Variants in SDK1 observed in about 807,000 individuals in gnomAD.
SDK1 encodes sidekick cell adhesion molecule 1, also known as protein sidekick-1.
A neutral mutation model predicts 245.5 loss-of-function variants in SDK1; 157 were observed. The ratio of observed to expected loss-of-function variants is 0.64; its 90% CI spans 0.56 to 0.73. The LOEUF (loss-of-function observed/expected upper bound fraction) is 0.73. SDK1 is among the 30% of genes least tolerant of loss of function. The probability of loss-of-function intolerance (pLI) is 0.00; values close to 1 mark genes in which losing one functional copy is unlikely to be tolerated. For missense variants in SDK1, 3,583 were observed against 3,002.3 expected, an observed-to-expected ratio of 1.19 and a Z score of -4.52; for synonymous variants, 1,647 against 1,278.5, an observed-to-expected ratio of 1.29 and a Z score of -6.15.
chr7:4,072,657 G>A (rs1410372441), intron 20 of SDK1, among the ~76,000 whole-genome samples: 1 of 152,232 alleles, frequency 6.6e-6, no homozygotes, highest in Non-Finnish European at 1.5e-5. Context: ...GCCGGTTTCT[G>A]GAAGTGTTGG....
intron 1 of SDK1, among the ~76,000 whole-genome samples, chr7:3,371,415 G>A (rs1248247318): frequency 1.3e-5 from 2 of 152,088 alleles, no homozygotes; most frequent in Non-Finnish European, 2.9e-5. Context: ...ATGGTTACAT[G>A]TGAAACACAG....
At chr7:3,951,300 G>T (rs577024813) in intron 6 of SDK1, among the ~76,000 whole-genome samples, 1 of 152,182 alleles carries the variant, frequency 6.6e-6, no homozygotes, top group East Asian at 1.9e-4. Flanking sequence ...CTCTAGGGAA[G>T]AGAGAGGAGT....
chr7:3,630,423 GAATT>G (rs750784226), intron 2 of SDK1, among the ~76,000 whole-genome samples: 8 of 152,244 alleles, frequency 5.3e-5, no homozygotes, highest in East Asian at 3.9e-4. Context: ...CAACATATAA[GAATT>G]AATTATATTT....
At chr7:3,762,061 C>G (rs1179088081) in intron 4 of SDK1, among the ~76,000 whole-genome samples, 1 of 152,146 alleles carries the variant, frequency 6.6e-6, no homozygotes, top group African/African-American at 2.4e-5. Context: ...CAGTTAGCTA[C>G]AAATTATTTA....
chr7:3,624,406 C>T (rs1356809160), intron 2 of SDK1, among the ~76,000 whole-genome samples: 1 of 152,082 alleles, frequency 6.6e-6, no homozygotes, highest in Non-Finnish European at 1.5e-5. Flanking sequence ...ACTGTGTTGC[C>T]TAGGCTGGTC....
chr7:3,552,508 G>C (rs1426546618), intron 1 of SDK1, among the ~76,000 whole-genome samples: 1 of 152,130 alleles, frequency 6.6e-6, no homozygotes, highest in Non-Finnish European at 1.5e-5. Context: ...AAGCAAGGCA[G>C]AATTTGCTCA....
At chr7:3,380,579 C>G (rs190676497) in intron 1 of SDK1, among the ~76,000 whole-genome samples, 2 of 152,202 alleles carry the variant, frequency 1.3e-5, no homozygotes, top group Non-Finnish European at 2.9e-5. Flanking sequence ...GTAACAAATT[C>G]AGATGAACAG....
intron 1 of SDK1, among the ~76,000 whole-genome samples, chr7:3,487,663 GAGGATCAGTTGA>G (rs1336601163): frequency 1.4e-5 from 2 of 147,804 alleles, no homozygotes; most frequent in African/African-American, 4.9e-5. Context: ...ACTGAGGTGG[GAGGATCAGTTGA>G]TCCCAGGAAA....
chr7:4,103,758 G>C (rs1465620450), intron 22 of SDK1, among the ~76,000 whole-genome samples: 1 of 152,246 alleles, frequency 6.6e-6, no homozygotes, highest in Non-Finnish European at 1.5e-5. Context: ...CAAGCAGCCA[G>C]AAGTGATGAC....
chr7:4,051,556 C>T, intron 18 of SDK1, 82 bp from the exon 19 acceptor site: 1 of 1,229,426 alleles, frequency 8.1e-7, no homozygotes, highest in Non-Finnish European at 1.1e-6. Flanking sequence ...TTTTAAAAGA[C>T]AAAATAAAAT....
At chr7:3,637,693 A>G (rs1782508580) in intron 2 of SDK1, among the ~76,000 whole-genome samples, 1 of 152,232 alleles carries the variant, frequency 6.6e-6, no homozygotes, top group African/African-American at 2.4e-5. Flanking sequence ...AAAAATTTAG[A>G]CAGGCATGGA....
At chr7:4,072,649 C>A (rs972233763) in intron 20 of SDK1, among the ~76,000 whole-genome samples, 1 of 152,208 alleles carries the variant, frequency 6.6e-6, no homozygotes, top group Non-Finnish European at 1.5e-5. Context: ...ACCTGGCTGC[C>A]GGTTTCTGGA....
At chr7:3,500,112 G>A (rs371185039) in intron 1 of SDK1, among the ~76,000 whole-genome samples, 1 of 152,042 alleles carries the variant, frequency 6.6e-6, no homozygotes, top group Non-Finnish European at 1.5e-5. Flanking sequence ...TTTAGGGGGG[G>A]TCTGGTGACA....
In SDK1 at chr7:3,578,098, A is replaced by C. The variant is rs980520790; in HGVS notation, c.299-40982A>C. Among the ~76,000 whole-genome samples, 5 of 151,570 alleles carry C rather than the reference A, an allele frequency of 3.3e-5. No individual in the cohort carries two copies. In the South Asian group the frequency reaches 1.0e-3, roughly 32 times the overall value. Reference sequence around the variant, plus strand: ...CTCTCTCTAATTTGCATTATTTTTTATCAGGGGAACCCACCCCCAATATTT... The same window carrying C: ...CTCTCTCTAATTTGCATTATTTTTTCTCAGGGGAACCCACCCCCAATATTT... On this transcript the variant is annotated intron_variant, in intron 1 of 44. Coordinates refer to ENST00000404826, the MANE Select transcript of SDK1 (RefSeq NM_152744.4).
At chr7:3,532,080 T>A (rs1279079548) in intron 1 of SDK1, among the ~76,000 whole-genome samples, 2 of 152,236 alleles carry the variant, frequency 1.3e-5, no homozygotes, top group Non-Finnish European at 2.9e-5. Flanking sequence ...GAAATTTTTG[T>A]AGAACATACT....
At chr7:3,818,171 A>G (rs986695293) in intron 4 of SDK1, among the ~76,000 whole-genome samples, 1 of 152,224 alleles carries the variant, frequency 6.6e-6, no homozygotes, top group Non-Finnish European at 1.5e-5. Flanking sequence ...GGGGAAGACT[A>G]AGGAAGTAAT....
chr7:3,310,285 G>C (rs1472150499), intron 1 of SDK1, among the ~76,000 whole-genome samples: 1 of 152,164 alleles, frequency 6.6e-6, no homozygotes, highest in Non-Finnish European at 1.5e-5. Flanking sequence ...GTATTTTAAA[G>C]TCATCTTGAG....
At chr7:3,407,029 A>G (rs2128575892) in intron 1 of SDK1, among the ~76,000 whole-genome samples, 1 of 152,274 alleles carries the variant, frequency 6.6e-6, no homozygotes, top group East Asian at 1.9e-4. Context: ...CAAGAATGCT[A>G]GAGGAAAGGG....
At chr7:4,264,766 G>T (rs917988685) in intron 44 of SDK1, among the ~76,000 whole-genome samples, 3 of 150,362 alleles carry the variant, frequency 2.0e-5, no homozygotes, top group African/African-American at 7.3e-5. Flanking sequence ...GAGGGAGGCC[G>T]TGTAGACCTC....
Sources: gnomAD v4.1 joint callset for allele counts (sites outside exome capture counted in the v4.1 genomes callset) on GRCh38, gnomAD v4.1.1 for gene constraint, MANE v1.5 for transcripts, NCBI Gene and HGNC (gene_info 2026-07-23, HGNC 2026-07-21) for gene names.